SLC22A23: variants seen among roughly 807,000 people sequenced by gnomAD.
The protein encoded by SLC22A23 is solute carrier family 22 member 23.
Under a neutral mutation model 61.0 loss-of-function variants are expected in SLC22A23, and 26 were observed. That is an observed-to-expected ratio of 0.43 (90% CI 0.31 to 0.59). SLC22A23 has a LOEUF of 0.59. SLC22A23 is among the 20% of genes least tolerant of loss of function. The probability of loss-of-function intolerance (pLI) is 0.11; values close to 1 mark genes in which losing one functional copy is unlikely to be tolerated. For synonymous variants in SLC22A23, 430 were observed against 413.9 expected (o/e 1.04, Z -0.47); for missense variants, 796 against 934.7 (o/e 0.85, Z 1.94).
Position 3,456,775 on chromosome 6 carries a change from C to CCGGGCAGAGG in SLC22A23, c.-226_-217dup, listed in dbSNP as rs1019325597. 15 of 163,264 alleles carry CCGGGCAGAGG rather than the reference C, an allele frequency of 9.2e-5. No individual in the cohort carries two copies. Among genetic ancestry groups the CCGGGCAGAGG allele is most frequent in the Admixed American group, 3.4e-4 (5 of 14,762 alleles). 10.1% of individuals were successfully genotyped at this position (163,264 alleles called of 1,614,324 possible). A position where few individuals can be genotyped will look rare whatever the true frequency, so the allele number is the denominator to read the frequency against. On this transcript the variant is annotated 5_prime_UTR_variant, in exon 1 of 10. Coordinates refer to ENST00000406686, the MANE Select transcript of SLC22A23 (RefSeq NM_015482.2). The surrounding 1 kb of genome is among the most constrained non-coding windows in gnomAD (Gnocchi z 7.1). ...CGGGCGCTGCGGCCCCGCTCGGGCG[C>CCGGGCAGAGG]CGGGCAGAGGCGGGCAGAGGCCGGC...
At chr6:3,281,309 C>G (rs938294025) in intron 9 of SLC22A23, among the ~76,000 whole-genome samples, 1 of 152,352 alleles carries the variant, frequency 6.6e-6, no homozygotes, top group Non-Finnish European at 1.5e-5. Context: ...TGGGCCTGAG[C>G]GGGTAGCTGG....
chr6:3,305,499 C>A (rs1456008776), intron 4 of SLC22A23, among the ~76,000 whole-genome samples: 1 of 152,218 alleles, frequency 6.6e-6, no homozygotes, highest in African/African-American at 2.4e-5. Context: ...ATGAAGAATT[C>A]GTTGGCCTGT....
At chr6:3,428,892 G>C (rs34756502) in intron 1 of SLC22A23, among the ~76,000 whole-genome samples, 45,840 of 151,982 alleles carry the variant, frequency 0.3, 8,112 homozygotes, top group East Asian at 0.47. Flanking sequence ...AAGTCAAGCT[G>C]GTGTCTCATT....
rs2127561360 is a variant in SLC22A23 at position 3,454,362 on chromosome 6, C to T, written c.654+1544G>A. Among the ~76,000 whole-genome samples the T allele has an allele frequency of 6.6e-6, 1 of 152,278 alleles. No individual in the cohort carries two copies. The highest frequency in any genetic ancestry group is 2.1e-4 in the South Asian group (1 of 4,814). On this transcript the variant is annotated intron_variant, in intron 1 of 9. Coordinates refer to ENST00000406686, the MANE Select transcript of SLC22A23 (RefSeq NM_015482.2). The surrounding 1 kb of genome is among the most constrained non-coding windows in gnomAD (Gnocchi z 4.3). ...TGGGTCCTCACTGCCAAGGTAATGG[C>T]ACTCTATCCCATCTCATCACTTTCA...
rs1763112077 is a variant in SLC22A23 at position 3,323,831 on chromosome 6, C to T, written c.1082+3G>A. Reference sequence around the variant, plus strand: ...CCCAGGGCGCTGTGCAGAGTGTACTCACGACCAGTAGAGCAGCATGAGCAG... The same window carrying T: ...CCCAGGGCGCTGTGCAGAGTGTACTTACGACCAGTAGAGCAGCATGAGCAG... On this transcript the variant is annotated splice_donor_region_variant and intron_variant, in intron 4 of 9. Transcript: ENST00000406686. 6.2e-7 allele frequency: 1 copy of T among 1,612,790 alleles called. No individual in the cohort carries two copies. The highest frequency in any genetic ancestry group is 1.3e-5 in the African/African-American group (1 of 74,950).
At chr6:3,288,978 C>T (rs1285947285) in intron 6 of SLC22A23, among the ~76,000 whole-genome samples, 2 of 152,250 alleles carry the variant, frequency 1.3e-5, no homozygotes, top group Non-Finnish European at 2.9e-5. Context: ...CTTGGCCCCT[C>T]GCCCTCACCC....
chr6:3,442,983 C>T (rs1365305972), intron 1 of SLC22A23, among the ~76,000 whole-genome samples: 1 of 152,186 alleles, frequency 6.6e-6, no homozygotes, highest in Non-Finnish European at 1.5e-5. Flanking sequence ...CTCCCTGGCT[C>T]CTTCATGCCA....
chr6:3,455,770 A>C, intron 1 of SLC22A23, 136 bp downstream of exon 1: 1 of 1,066,374 alleles, frequency 9.4e-7, no homozygotes, highest in South Asian at 1.8e-5. Context: ...GGACGGAAGG[A>C]GATTAAGCCA....
At chr6:3,347,838 C>G (rs1764529607) in intron 3 of SLC22A23, among the ~76,000 whole-genome samples, 1 of 152,228 alleles carries the variant, frequency 6.6e-6, no homozygotes, top group Non-Finnish European at 1.5e-5. Context: ...AGGTCCTACA[C>G]AGTCTGCCCT....
chr6:3,357,154 G>A (rs1765163129), intron 3 of SLC22A23, among the ~76,000 whole-genome samples: 2 of 150,064 alleles, frequency 1.3e-5, no homozygotes, highest in South Asian at 2.1e-4. Flanking sequence ...CATTCCCAGA[G>A]TCTCAGAAAT....
intron 3 of SLC22A23, among the ~76,000 whole-genome samples, chr6:3,325,606 G>C (rs1244981289): frequency 6.6e-6 from 1 of 152,188 alleles, no homozygotes; most frequent in East Asian, 1.9e-4. Flanking sequence ...CCATAGGTCA[G>C]GTTCACTTAA....
At chr6:3,447,263 C>G (rs1266179083) in intron 1 of SLC22A23, among the ~76,000 whole-genome samples, 1 of 152,138 alleles carries the variant, frequency 6.6e-6, no homozygotes, top group East Asian at 1.9e-4. Flanking sequence ...TCCTCTTTTG[C>G]CTCTCTCTCT....
chr6:3,291,800 A>C (rs1311394424), intron 5 of SLC22A23: 1 of 152,224 alleles, frequency 6.6e-6, no homozygotes, highest in African/African-American at 2.4e-5. Context: ...TCACCATGGA[A>C]GACTTCCGAG....
intron 5 of SLC22A23, chr6:3,291,830 TTA>T (rs1468576993): frequency 6.6e-6 from 1 of 152,204 alleles, no homozygotes; most frequent in Non-Finnish European, 1.5e-5. Context: ...TCAATGTCCA[TTA>T]GCAAGTCCAT....
intron 3 of SLC22A23, among the ~76,000 whole-genome samples, chr6:3,383,893 A>G (rs1175772207): frequency 6.6e-6 from 1 of 152,200 alleles, no homozygotes; most frequent in Non-Finnish European, 1.5e-5. Flanking sequence ...GATTTATGGT[A>G]TGGAGTAAAG....
At chr6:3,389,805 T>G (rs889297450) in intron 3 of SLC22A23, among the ~76,000 whole-genome samples, 4 of 152,228 alleles carry the variant, frequency 2.6e-5, no homozygotes, top group Admixed American at 6.5e-5. Flanking sequence ...GAAAGGGAGC[T>G]GGTACGTGCA....
intron 3 of SLC22A23, among the ~76,000 whole-genome samples, chr6:3,337,844 T>C (rs1322499448): frequency 1.3e-5 from 2 of 152,248 alleles, no homozygotes; most frequent in Admixed American, 1.3e-4. Flanking sequence ...TCTTGAAATA[T>C]GCAAATATGC....
At chr6:3,343,760 A>G (rs1764276840) in intron 3 of SLC22A23, among the ~76,000 whole-genome samples, 1 of 152,226 alleles carries the variant, frequency 6.6e-6, no homozygotes, top group South Asian at 2.1e-4. Context: ...TGTATTTAAG[A>G]GAAGAGCCAA....
intron 9 of SLC22A23, among the ~76,000 whole-genome samples, chr6:3,282,864 G>C (rs1178527422): frequency 6.6e-6 from 1 of 152,178 alleles, no homozygotes; most frequent in Non-Finnish European, 1.5e-5. Flanking sequence ...TAGCACCCAT[G>C]AACCACGACC....
Sources: allele counts gnomAD v4.1 joint callset (sites outside exome capture counted in the v4.1 genomes callset), GRCh38; gene constraint gnomAD v4.1.1; non-coding constraint Gnocchi (gnomAD v3.1); transcripts MANE v1.5; gene names NCBI Gene and HGNC (gene_info 2026-07-23, HGNC 2026-07-21).